Variants in TRIM37 observed in about 807,000 individuals in gnomAD.
The protein encoded by TRIM37 is E3 ubiquitin-protein ligase TRIM37.
TRIM37 carries 80 observed loss-of-function variants against 129.8 expected under a neutral mutation model. The observed-to-expected ratio is 0.62, with a 90% CI of 0.51 to 0.74. TRIM37 has a LOEUF of 0.74. TRIM37 is among the 30% of genes least tolerant of loss of function. The probability of loss-of-function intolerance (pLI) is 0.00; values close to 1 mark genes in which losing one functional copy is unlikely to be tolerated. For missense variants in TRIM37, 1,054 were observed against 1,176.5 expected (o/e 0.90, Z 1.52); for synonymous variants, 389 against 387.1 (o/e 1.00, Z -0.06).
chr17:59,091,595 CATTATATATATAATATA>C (rs2044378188), intron 2 of TRIM37, among the ~76,000 whole-genome samples: 2 of 37,330 alleles, frequency 5.4e-5, no homozygotes, highest in Non-Finnish European at 1.0e-4. Flanking sequence ...ATATATTATA[CATTATATATATAATATA>C]TATATAATGT....
chr17:58,980,941 T>C (rs551772499), downstream of TRIM37: 3 of 1,614,170 alleles, frequency 1.9e-6, no homozygotes, highest in Admixed American at 5.0e-5. The surrounding 1 kb of genome is among the most constrained non-coding windows in gnomAD (Gnocchi z 4.7). Context: ...GGCAAAATAG[T>C]TGGAAAGGGT....
At chr17:58,973,718 T>A in the TRIM37 span, among the ~76,000 whole-genome samples, 1 of 151,886 alleles carries the variant, frequency 6.6e-6, no homozygotes, top group East Asian at 1.9e-4. Flanking sequence ...TTTGGGAGGC[T>A]GAGGTGGGCA....
chr17:59,001,859 C>T (rs2033820382), intron 22 of TRIM37, 145 bp from the exon 23 acceptor site: 1 of 1,206,990 alleles, frequency 8.3e-7, no homozygotes. Context: ...ACTAACAAAA[C>T]AAAGACAAAA....
At chr17:59,029,084 T>C (rs763525861) in intron 18 of TRIM37, among the ~76,000 whole-genome samples, 2 of 152,298 alleles carry the variant, frequency 1.3e-5, no homozygotes, top group South Asian at 2.1e-4. Context: ...AAGAAAAATC[T>C]AGAAACCAAA....
At position 59,015,427 on chromosome 17, in the gene TRIM37, G is replaced by A. The variant is rs34550282; in HGVS notation, c.2576+183C>T. On this transcript the variant is annotated intron_variant, in intron 21 of 23. Coordinates refer to ENST00000262294, the MANE Select transcript of TRIM37 (RefSeq NM_015294.6). ...TGCACTCCAGCCTGGGTGACAGAGC[G>A]AGGCTCTGTTAAAAAAAATAAAAAA... 0.24 allele frequency among the ~76,000 whole-genome samples: 36,677 copies of A among 150,164 alleles called. 4,733 individuals carry two copies. Among genetic ancestry groups the A allele is most frequent in the African/African-American group, 0.33 (13,670 of 40,980 alleles).
chr17:58,994,526 G>A (rs537883374), downstream of TRIM37, among the ~76,000 whole-genome samples: 79 of 152,198 alleles, frequency 5.2e-4, no homozygotes, highest in African/African-American at 1.8e-3. Context: ...CTTCATAGCT[G>A]CAGTAAGCTA....
downstream of TRIM37, chr17:58,980,377 C>T (rs774271250): frequency 3.7e-6 from 6 of 1,614,120 alleles, no homozygotes; most frequent in East Asian, 2.2e-5. This position sits in a 1 kb window ranked among gnomAD's most constrained non-coding sequence, Gnocchi z 4.7. Context: ...CAGCACCAGC[C>T]GACCTAGGCT....
Position 58,999,450 on chromosome 17 carries a change from G to C in TRIM37, c.2822C>G (p.Ser941Cys), listed in dbSNP as rs760997373. 1.2e-5 allele frequency: 19 copies of C among 1,612,442 alleles called. No homozygotes were observed. In the South Asian group the frequency reaches 1.9e-4, roughly 16 times the overall value. ...MTQPPDEDTHSSFPDGEQIGP... is the reference protein window; with the variant it reads ...MTQPPDEDTHCSFPDGEQIGP... ...TATTTGTTCACCATCAGGAAAACTG[G>C]AATGTGTATCTATGATTAAAAAATA... The change falls in exon 24 of 24, where the codon TCC becomes TGC. Residue 941 changes from serine to cysteine, a missense_variant. Physicochemically the swap from Ser to Cys is moderately radical, Grantham distance 112. This residue lies in a region of TRIM37 where 287 missense variants were observed against 274.3 expected (regional missense o/e 1.05). Transcript: ENST00000262294.
rs907872332 is a variant in TRIM37, at chr17:59,106,740, C to T, written c.-279G>A. ...CCCGGCTCAGCCGCCGGCCAGCAGC[C>T]GCGCCGGAACCTCGGCCCACGTGAC... On this transcript the variant is annotated 5_prime_UTR_variant, in exon 1 of 24. Transcript: ENST00000262294. The T allele has an allele frequency of 3.5e-6, 2 of 569,176 alleles. No individual in the cohort carries two copies. The highest frequency in any genetic ancestry group is 3.9e-5 in the African/African-American group (2 of 51,638). 35.3% of individuals were successfully genotyped at this position (569,176 alleles called of 1,614,324 possible).
chr17:59,027,593 G>A (rs781326778), intron 19 of TRIM37, among the ~76,000 whole-genome samples: 1 of 152,178 alleles, frequency 6.6e-6, no homozygotes, highest in African/African-American at 2.4e-5. Flanking sequence ...ACAAGATAAT[G>A]TAATAGGCTG....
chr17:59,068,992 T>G (rs1267709180), intron 9 of TRIM37, among the ~76,000 whole-genome samples: 1 of 152,238 alleles, frequency 6.6e-6, no homozygotes, highest in Non-Finnish European at 1.5e-5. Context: ...AAATAATTAT[T>G]CTGCTTAAAA....
chr17:59,080,746 G>A (rs893809696), intron 6 of TRIM37, among the ~76,000 whole-genome samples: 5 of 152,018 alleles, frequency 3.3e-5, no homozygotes, highest in South Asian at 4.2e-4. Flanking sequence ...AGCTGAGATC[G>A]CGCCATTACA....
intron 9 of TRIM37, among the ~76,000 whole-genome samples, chr17:59,068,820 G>C (rs1045489412): frequency 1.3e-5 from 2 of 152,070 alleles, no homozygotes; most frequent in African/African-American, 4.8e-5. Flanking sequence ...GAGTAAGAAG[G>C]GCTTATAACA....
downstream of TRIM37, among the ~76,000 whole-genome samples, chr17:58,997,899 G>A (rs374306642): frequency 1.3e-5 from 2 of 152,072 alleles, no homozygotes; most frequent in Non-Finnish European, 2.9e-5. Flanking sequence ...CGGTGTTCCC[G>A]ACATCACCAA....
intron 24 of TRIM37, among the ~76,000 whole-genome samples, chr17:58,987,456 TGGAA>T (rs913369010): frequency 2.0e-5 from 3 of 152,112 alleles, no homozygotes; most frequent in Non-Finnish European, 4.4e-5. Flanking sequence ...AGAGCAGGAA[TGGAA>T]GGGAGACTCC....
At chr17:59,064,959 G>A (rs1020960554) in intron 9 of TRIM37, among the ~76,000 whole-genome samples, 25 of 152,176 alleles carry the variant, frequency 1.6e-4, no homozygotes, top group Admixed American at 7.2e-4. Flanking sequence ...GCTGAGGCAC[G>A]AGAATCGCTT....
intron 2 of TRIM37, among the ~76,000 whole-genome samples, chr17:59,097,549 A>G (rs760338853): frequency 6.6e-6 from 1 of 152,022 alleles, no homozygotes; most frequent in African/African-American, 2.4e-5. Context: ...TAAAATGCTT[A>G]GGGAAAAAAA....
chr17:59,106,565 G>T lies in TRIM37; in HGVS notation c.-104C>A. ...CAGATCAAATCGCCGATAAAAGCCC[G>T]GCGCCCACGTCAGGGGGCTCTGACA... On this transcript the variant is annotated 5_prime_UTR_variant, in exon 1 of 24. Coordinates refer to ENST00000262294, the MANE Select transcript of TRIM37 (RefSeq NM_015294.6). The T allele has an allele frequency of 7.0e-7, 1 of 1,433,534 alleles. No individual in the cohort carries two copies. The highest frequency in any genetic ancestry group is 2.4e-5 in the East Asian group (1 of 41,154). The allele number at this position is 1,433,534 out of a possible 1,614,324, so 88.8% of individuals were successfully genotyped here. A position where few individuals can be genotyped will look rare whatever the true frequency, so the allele number is the denominator to read the frequency against.
chr17:59,058,116 C>A (rs1192634564), intron 12 of TRIM37, among the ~76,000 whole-genome samples: 1 of 151,994 alleles, frequency 6.6e-6, no homozygotes, highest in African/African-American at 2.4e-5. Flanking sequence ...TTTGCCAGTA[C>A]AAGTGATAAG....
Sources: allele counts gnomAD v4.1 joint callset (sites outside exome capture counted in the v4.1 genomes callset), GRCh38; gene constraint gnomAD v4.1.1; regional missense constraint gnomAD v4.1.1; non-coding constraint Gnocchi (gnomAD v3.1); transcripts MANE v1.5; gene names NCBI Gene and HGNC (gene_info 2026-07-23, HGNC 2026-07-21).